The following TTC28 variants were observed in gnomAD, a reference collection of about 807,000 sequenced individuals.
TTC28 encodes the protein tetratricopeptide repeat protein 28.
TTC28 carries 61 observed loss-of-function variants against 198.0 expected under a neutral mutation model. That is an observed-to-expected ratio of 0.31 (90% CI 0.25 to 0.38). The LOEUF (loss-of-function observed/expected upper bound fraction) is 0.38, where lower values mean the gene tolerates loss of function less well. Among genes scored for constraint, TTC28 ranks in the 10% least tolerant of loss-of-function variants. The pLI is 1.00. For synonymous variants in TTC28, 1,171 were observed against 1,297.8 expected (o/e 0.90, Z 2.10); for missense variants, 2,678 against 3,164.0 (o/e 0.85, Z 3.69).
At chr22:28,143,031 T>C (rs971919573) in intron 6 of TTC28, among the ~76,000 whole-genome samples, 1 of 152,188 alleles carries the variant, frequency 6.6e-6, no homozygotes. Flanking sequence ...TTGGGACATA[T>C]CATAAATGTC....
At chr22:28,305,919 T>C (rs1384581805) in intron 3 of TTC28, among the ~76,000 whole-genome samples, 2 of 152,214 alleles carry the variant, frequency 1.3e-5, no homozygotes, top group South Asian at 2.1e-4. Context: ...CAGCGTAAAG[T>C]AGAAGTAAGA....
At chr22:28,175,323 C>T (rs927530670) in intron 5 of TTC28, among the ~76,000 whole-genome samples, 8 of 152,180 alleles carry the variant, frequency 5.3e-5, no homozygotes, top group African/African-American at 1.9e-4. Flanking sequence ...AGTAAAGAGA[C>T]AACCTATACA....
At chr22:28,604,482 G>A (rs781111768) in intron 2 of TTC28, among the ~76,000 whole-genome samples, 4 of 150,650 alleles carry the variant, frequency 2.7e-5, no homozygotes, top group South Asian at 4.2e-4. Context: ...AGTGGCTCAC[G>A]CCTGTAATCC....
rs946761455 is a variant in TTC28, at chr22:28,552,974, A to C, written c.381+76578T>G. Reference sequence around the variant, plus strand: ...ACTGGTTTTCGTATTTTTTTGGTGGAGACGGGGTTTCGCTGTGTTGGCCGG... The same window carrying C: ...ACTGGTTTTCGTATTTTTTTGGTGGCGACGGGGTTTCGCTGTGTTGGCCGG... On this transcript the variant is annotated intron_variant, in intron 2 of 22. Coordinates refer to ENST00000397906, the MANE Select transcript of TTC28 (RefSeq NM_001145418.2). Among the ~76,000 whole-genome samples the C allele has an allele frequency of 5.3e-5, 8 of 152,056 alleles. No homozygotes were observed. In the South Asian group the frequency reaches 1.7e-3, roughly 32 times the overall value.
intron 2 of TTC28, among the ~76,000 whole-genome samples, chr22:28,595,820 A>G (rs1320149531): frequency 1.3e-5 from 2 of 152,192 alleles, no homozygotes; most frequent in African/African-American, 4.8e-5. Flanking sequence ...GCTACTCGGG[A>G]GGCTGAGGCA....
chr22:28,057,273 C>T (rs1940327363), intron 12 of TTC28, among the ~76,000 whole-genome samples: 1 of 152,102 alleles, frequency 6.6e-6, no homozygotes, highest in Admixed American at 6.6e-5. Flanking sequence ...ATTTTAGTAA[C>T]TCTACATCCT....
intron 2 of TTC28, among the ~76,000 whole-genome samples, chr22:28,437,889 C>T (rs1438994852): frequency 6.6e-6 from 1 of 152,132 alleles, no homozygotes; most frequent in East Asian, 1.9e-4. Context: ...ATTAGGATGA[C>T]ATTTGCAATA....
chr22:27,993,908 CCCACAGCCCAG>C (rs1198391791), intron 17 of TTC28, among the ~76,000 whole-genome samples: 2 of 152,256 alleles, frequency 1.3e-5, no homozygotes, highest in Non-Finnish European at 2.9e-5. Context: ...CCCCTCACTG[CCCACAGCCCAG>C]CCCCATCATG....
intron 2 of TTC28, among the ~76,000 whole-genome samples, chr22:28,593,473 G>T (rs372093348): frequency 1.3e-4 from 7 of 52,356 alleles, no homozygotes; most frequent in Non-Finnish European, 2.1e-4. Flanking sequence ...AGGTAGCTAG[G>T]TAGGTAGGTA....
chr22:28,484,645 T>G (rs2048295310), intron 2 of TTC28, among the ~76,000 whole-genome samples: 1 of 151,946 alleles, frequency 6.6e-6, no homozygotes, highest in Non-Finnish European at 1.5e-5. Context: ...ACCAAAGATC[T>G]CTCCCATGGA....
chr22:28,205,331 C>T (rs993121245), intron 5 of TTC28, among the ~76,000 whole-genome samples: 1 of 151,958 alleles, frequency 6.6e-6, no homozygotes, highest in Admixed American at 6.6e-5. Flanking sequence ...ATTTCTATGG[C>T]CTATTTTTCC....
At chr22:28,081,571 C>A (rs1365925852) in intron 12 of TTC28, among the ~76,000 whole-genome samples, 1 of 151,266 alleles carries the variant, frequency 6.6e-6, no homozygotes, top group Non-Finnish European at 1.5e-5. Context: ...TGGCTCACTG[C>A]AACCTCTGCC....
chr22:28,401,756 C>CGA (rs1311055774), intron 2 of TTC28, among the ~76,000 whole-genome samples: 1 of 151,924 alleles, frequency 6.6e-6, no homozygotes, highest in Non-Finnish European at 1.5e-5. Flanking sequence ...GCAACAAAAG[C>CGA]GAGACCCCAT....
intron 13 of TTC28, among the ~76,000 whole-genome samples, chr22:28,026,278 G>T (rs913089939): frequency 6.6e-6 from 1 of 152,092 alleles, no homozygotes; most frequent in Non-Finnish European, 1.5e-5. Context: ...CCTCCACTCT[G>T]CCACTGGCTG....
chr22:28,088,701 G>C (rs994577102), intron 12 of TTC28, among the ~76,000 whole-genome samples: 1 of 152,156 alleles, frequency 6.6e-6, no homozygotes, highest in Admixed American at 6.5e-5. Context: ...CACAGCAAAG[G>C]AAACTACCAT....
chr22:28,450,917 G>A (rs976672497), intron 2 of TTC28, among the ~76,000 whole-genome samples: 6 of 152,138 alleles, frequency 3.9e-5, no homozygotes, highest in Non-Finnish European at 7.4e-5. Flanking sequence ...TTTCTGCTTG[G>A]AGGCACCTTC....
chr22:28,301,126 A>C (rs979752673), intron 3 of TTC28, among the ~76,000 whole-genome samples: 2 of 152,226 alleles, frequency 1.3e-5, no homozygotes, highest in South Asian at 4.1e-4. Flanking sequence ...CCACACCCAT[A>C]ATCAAAAGCT....
intron 2 of TTC28, among the ~76,000 whole-genome samples, chr22:28,352,218 T>A (rs999780239): frequency 6.6e-6 from 1 of 151,990 alleles, no homozygotes; most frequent in African/African-American, 2.4e-5. Context: ...TAGCTTGTTA[T>A]TGAATACCAA....
chr22:28,013,284 C>T (rs1938229706), intron 14 of TTC28, among the ~76,000 whole-genome samples: 2 of 152,226 alleles, frequency 1.3e-5, no homozygotes, highest in Non-Finnish European at 2.9e-5. Context: ...TGCAGCCTGG[C>T]TAACAGCAGC....
Sources: allele counts gnomAD v4.1 joint callset (sites outside exome capture counted in the v4.1 genomes callset), GRCh38; gene constraint gnomAD v4.1.1; transcripts MANE v1.5; gene names NCBI Gene and HGNC (gene_info 2026-07-23, HGNC 2026-07-21).